The following MTUS2 variants were observed in gnomAD, a reference collection of about 807,000 sequenced individuals.
MTUS2 encodes the protein microtubule-associated tumor suppressor candidate 2.
Under a neutral mutation model 114.1 loss-of-function variants are expected in MTUS2, and 40 were observed. The ratio of observed to expected loss-of-function variants is 0.35; its 90% CI spans 0.27 to 0.46. MTUS2 has a LOEUF of 0.46. Ranked by LOEUF, MTUS2 falls within the 20% of genes least tolerant of loss-of-function variation. The pLI is 1.00. For synonymous variants in MTUS2, 688 were observed against 672.0 expected, an observed-to-expected ratio of 1.02 and a Z score of -0.37; for missense variants, 1,679 against 1,705.4, an observed-to-expected ratio of 0.98 and a Z score of 0.27.
Position 29,100,836 on chromosome 13 carries a change from G to A in MTUS2, c.2510G>A (p.Arg837His), listed in dbSNP as rs1032162429. 3.8e-5 allele frequency: 59 copies of A among 1,551,828 alleles called. No individual in the cohort carries two copies. Among genetic ancestry groups the A allele is most frequent in the South Asian group, 9.5e-5 (8 of 84,062 alleles). Reference sequence around the variant, plus strand: ...TCCAATCTCCCGAAATCTGGTCTCCGTCCTCCCGGATACTCACGTCTCCCG... The same window carrying A: ...TCCAATCTCCCGAAATCTGGTCTCCATCCTCCCGGATACTCACGTCTCCCG... Reference protein sequence around the residue: ...AKSNLPKSGLRPPGYSRLPAA... With the variant: ...AKSNLPKSGLHPPGYSRLPAA... Residue 837 changes from arginine to histidine, a missense_variant, in exon 5 of 16, where the codon CGT (arginine) becomes CAT (histidine). Physicochemically the swap from Arg to His is conservative, Grantham distance 29. Transcript: ENST00000612955.
intron 2 of MTUS2, among the ~76,000 whole-genome samples, chr13:28,961,848 G>T (rs1300530421): frequency 2.0e-5 from 3 of 151,738 alleles, no homozygotes; most frequent in South Asian, 4.2e-4. Context: ...ATACTCTGAG[G>T]GTAAAATGAT....
chr13:28,926,236 G>A (rs1881320341), intron 2 of MTUS2, among the ~76,000 whole-genome samples: 1 of 152,176 alleles, frequency 6.6e-6, no homozygotes, highest in African/African-American at 2.4e-5. Context: ...GGGTAATTTT[G>A]TTGTACTTTG....
chr13:29,226,305 A>C (rs543495398), intron 5 of MTUS2, among the ~76,000 whole-genome samples: 21 of 152,374 alleles, frequency 1.4e-4, no homozygotes, highest in African/African-American at 4.3e-4. Context: ...ATGTACAGTG[A>C]AATTTAACTG....
At chr13:29,110,066 A>G (rs921144959) in intron 5 of MTUS2, among the ~76,000 whole-genome samples, 39 of 152,250 alleles carry the variant, frequency 2.6e-4, no homozygotes, top group Non-Finnish European at 2.2e-4. Flanking sequence ...AGACAAGGAA[A>G]ATCATGATTT....
chr13:29,440,340 C>T (rs896435668), intron 9 of MTUS2, among the ~76,000 whole-genome samples: 3 of 152,218 alleles, frequency 2.0e-5, no homozygotes, highest in African/African-American at 7.2e-5. Context: ...ACTGATCTAT[C>T]TGGGTCCCCT....
At chr13:29,167,162 C>T (rs533631880) in intron 5 of MTUS2, among the ~76,000 whole-genome samples, 174 of 152,186 alleles carry the variant, frequency 1.1e-3, no homozygotes, top group African/African-American at 4.0e-3. Flanking sequence ...ATCACGAGGT[C>T]GGGAGATAGA....
chr13:29,305,137 G>T (rs1899385558), intron 6 of MTUS2, among the ~76,000 whole-genome samples: 1 of 152,158 alleles, frequency 6.6e-6, no homozygotes, highest in South Asian at 2.1e-4. Flanking sequence ...AACTAAAGCA[G>T]TATTAAGAGG....
At chr13:29,036,291 G>T (rs1430647310) in intron 4 of MTUS2, among the ~76,000 whole-genome samples, 1 of 152,140 alleles carries the variant, frequency 6.6e-6, no homozygotes, top group Admixed American at 6.5e-5. Flanking sequence ...AGTCACCTAA[G>T]ACTCAAATTC....
At chr13:29,075,193 C>A (rs1889133363) in intron 4 of MTUS2, among the ~76,000 whole-genome samples, 1 of 152,148 alleles carries the variant, frequency 6.6e-6, no homozygotes, top group Admixed American at 6.5e-5. Flanking sequence ...CATTTCATTC[C>A]TGTGTTAATC....
chr13:29,010,238 C>T (rs2138418006), intron 2 of MTUS2, among the ~76,000 whole-genome samples: 1 of 151,188 alleles, frequency 6.6e-6, no homozygotes, highest in East Asian at 2.0e-4. Flanking sequence ...CTATAAAATG[C>T]TTACTGACAC....
intron 10 of MTUS2, among the ~76,000 whole-genome samples, chr13:29,483,348 G>A (rs930264162): frequency 4.6e-5 from 7 of 152,212 alleles, no homozygotes; most frequent in Admixed American, 3.9e-4. Flanking sequence ...CAGCACCTCC[G>A]TCGTGACAAA....
chr13:29,335,904 A>T (rs1478367558), intron 7 of MTUS2, among the ~76,000 whole-genome samples: 1 of 151,892 alleles, frequency 6.6e-6, no homozygotes, highest in East Asian at 1.9e-4. Flanking sequence ...TTTTTTCTCT[A>T]ATCTTTTCTT....
Position 28,865,993 on chromosome 13 carries a change from G to A in MTUS2, c.-243+26143G>A, listed in dbSNP as rs1256374265. Among the ~76,000 whole-genome samples the A allele has an allele frequency of 2.6e-5, 4 of 152,128 alleles. No individual in the cohort carries two copies. The East Asian group carries it at 7.7e-4, about 29-fold the overall frequency. ...TTCTACTTTTCTTCATTTCAAAAGCGAATAGAATGTTTTTTAGGTTTCTCA... is the reference window on the plus strand; with the variant it reads ...TTCTACTTTTCTTCATTTCAAAAGCAAATAGAATGTTTTTTAGGTTTCTCA... On this transcript the variant is annotated intron_variant, in intron 2 of 15. Transcript: ENST00000612955.
At chr13:29,104,228 AT>A (rs1486795361) in intron 5 of MTUS2, among the ~76,000 whole-genome samples, 1 of 152,080 alleles carries the variant, frequency 6.6e-6, no homozygotes, top group Non-Finnish European at 1.5e-5. Flanking sequence ...GAAATGAATT[AT>A]GTTCATAGGT....
chr13:29,252,850 G>A (rs183684608), intron 5 of MTUS2, among the ~76,000 whole-genome samples: 15 of 151,772 alleles, frequency 9.9e-5, no homozygotes, highest in Admixed American at 5.2e-4. Flanking sequence ...CCTGCCTTTC[G>A]CCTTTTGCCA....
rs187328185 is a variant in MTUS2 at position 29,342,677 on chromosome 13, T to C, written c.2906-16585T>C. On this transcript the variant is annotated intron_variant, in intron 7 of 15. Transcript: ENST00000612955. ...CTTTCTCTTGTCTGATTACTCTGGCTAGGACTTCTAGTACTATGTTGAATA... is the reference window on the plus strand; with the variant it reads ...CTTTCTCTTGTCTGATTACTCTGGCCAGGACTTCTAGTACTATGTTGAATA... Among the ~76,000 whole-genome samples the C allele has an allele frequency of 3.9e-5, 6 of 152,226 alleles. No homozygotes were observed. In the East Asian group the frequency reaches 1.2e-3, roughly 30 times the overall value.
chr13:28,981,788 T>C (rs1248764294), intron 2 of MTUS2, among the ~76,000 whole-genome samples: 3 of 152,196 alleles, frequency 2.0e-5, no homozygotes, highest in Admixed American at 6.5e-5. Context: ...ACTGTGGTAC[T>C]CTAACGCTTC....
rs527442037 is a variant in MTUS2, at chr13:29,241,916, G to A, written c.2645-39788G>A. 2.0e-5 allele frequency among the ~76,000 whole-genome samples: 3 copies of A among 152,162 alleles called. No homozygotes were observed. In the South Asian group the frequency reaches 6.2e-4, roughly 32 times the overall value. ...TTCTGAGAGGTGTGCTGTAGTTAGG[G>A]TTACTGTATGTGCTGCCTTGCCTGC... On this transcript the variant is annotated intron_variant, in intron 5 of 15. Transcript: ENST00000612955.
rs965695828 is a variant in MTUS2 at position 29,155,661 on chromosome 13, A to C, written c.2644+54691A>C. On this transcript the variant is annotated intron_variant, in intron 5 of 15. Transcript: ENST00000612955. Reference sequence around the variant, plus strand: ...GGAAAATGTATGATCTAGAGAGGAAAACACCAGAAATTCTGTATTTCTAAC... The same window carrying C: ...GGAAAATGTATGATCTAGAGAGGAACACACCAGAAATTCTGTATTTCTAAC... Among the ~76,000 whole-genome samples the C allele has an allele frequency of 3.9e-5, 6 of 152,300 alleles. No homozygotes were observed. The East Asian group carries it at 1.2e-3, about 29-fold the overall frequency.
Sources: gnomAD v4.1 joint callset for allele counts (sites outside exome capture counted in the v4.1 genomes callset) on GRCh38, gnomAD v4.1.1 for gene constraint, MANE v1.5 for transcripts, NCBI Gene and HGNC (gene_info 2026-07-23, HGNC 2026-07-21) for gene names.